The following RABGAP1L variants were observed in gnomAD, a reference collection of about 807,000 sequenced individuals.
The protein encoded by RABGAP1L is rab GTPase-activating protein 1-like.
A neutral mutation model predicts 137.7 loss-of-function variants in RABGAP1L; 63 were observed. The observed-to-expected ratio is 0.46, with a 90% confidence interval of 0.37 to 0.56. RABGAP1L has a LOEUF of 0.56. Ranked by LOEUF, RABGAP1L falls within the 20% of genes least tolerant of loss-of-function variation. The probability of loss-of-function intolerance (pLI) is 0.00; values close to 1 mark genes in which losing one functional copy is unlikely to be tolerated. For synonymous variants in RABGAP1L, 431 were observed against 433.7 expected, an observed-to-expected ratio of 0.99 and a Z score of 0.08; for missense variants, 1,095 against 1,244.0, an observed-to-expected ratio of 0.88 and a Z score of 1.80.
At chr1:174,931,707 G>A (rs906077292) in intron 19 of RABGAP1L, among the ~76,000 whole-genome samples, 7 of 152,010 alleles carry the variant, frequency 4.6e-5, no homozygotes, top group African/African-American at 9.7e-5. Flanking sequence ...ACTTGCCATC[G>A]GTCTTCTGTG....
At chr1:174,425,366 A>G (rs1651831023) in intron 13 of RABGAP1L, among the ~76,000 whole-genome samples, 1 of 151,984 alleles carries the variant, frequency 6.6e-6, no homozygotes, top group Non-Finnish European at 1.5e-5. Flanking sequence ...ATGTCACTTT[A>G]AAAAATAAGA....
chr1:174,953,809 C>T (rs1306586663), intron 19 of RABGAP1L, among the ~76,000 whole-genome samples: 1 of 152,160 alleles, frequency 6.6e-6, no homozygotes, highest in East Asian at 1.9e-4. Context: ...GGACGCAAAC[C>T]TTCTGAAAGG....
At chr1:174,861,353 T>C (rs1344779788) in intron 19 of RABGAP1L, among the ~76,000 whole-genome samples, 2 of 152,178 alleles carry the variant, frequency 1.3e-5, no homozygotes, top group African/African-American at 4.8e-5. Flanking sequence ...TATCCATTCA[T>C]CCATCAACAG....
rs185608305 is a variant in RABGAP1L, at chr1:174,218,493, T to C, written c.-33-632T>C. On this transcript the variant is annotated intron_variant, in intron 1 of 25. Transcript: ENST00000681986. ...ATCCAGAAAACAGAATTACACTGTG[T>C]TTGATTACTGAAACATTATTTGCTA... Among the ~76,000 whole-genome samples, 21 of 152,306 alleles carry C rather than the reference T, an allele frequency of 1.4e-4. No homozygotes were observed. In the East Asian group the frequency reaches 3.9e-3, roughly 28 times the overall value.
intron 14 of RABGAP1L, among the ~76,000 whole-genome samples, chr1:174,679,287 C>T (rs1190996793): frequency 6.6e-6 from 1 of 152,160 alleles, no homozygotes; most frequent in Non-Finnish European, 1.5e-5. Flanking sequence ...CCCAGCTAGG[C>T]TTAGGGATTC....
At chr1:174,725,733 C>T (rs1290938172) in intron 17 of RABGAP1L, among the ~76,000 whole-genome samples, 1 of 152,070 alleles carries the variant, frequency 6.6e-6, no homozygotes, top group Non-Finnish European at 1.5e-5. Context: ...CTCGTTTATA[C>T]TGTAACAGTG....
intron 13 of RABGAP1L, among the ~76,000 whole-genome samples, chr1:174,409,746 T>C (rs1649689703): frequency 6.6e-6 from 1 of 152,132 alleles, no homozygotes; most frequent in Admixed American, 6.5e-5. Context: ...TCTTATGCAG[T>C]TGAGATAAGG....
rs147472669 is a variant in RABGAP1L, at chr1:174,685,993, G to A, written c.1899+2397G>A. ...AGAAATGAAAGCTGAAGTCATGAGA[G>A]TACATCAGATCATCTAGAAGAATGA... On this transcript the variant is annotated intron_variant, in intron 15 of 25. Transcript: ENST00000681986. 2.6e-5 allele frequency among the ~76,000 whole-genome samples: 4 copies of A among 152,312 alleles called. No individual in the cohort carries two copies. The East Asian group carries it at 7.7e-4, about 29-fold the overall frequency.
At chr1:174,940,734 C>T (rs1430624620) in intron 19 of RABGAP1L, among the ~76,000 whole-genome samples, 3 of 152,330 alleles carry the variant, frequency 2.0e-5, no homozygotes, top group South Asian at 2.1e-4. Context: ...ACAGTTCTAA[C>T]GTCAGATATT....
chr1:174,677,303 C>G (rs138100682), intron 14 of RABGAP1L, among the ~76,000 whole-genome samples: 33 of 152,192 alleles, frequency 2.2e-4, no homozygotes, highest in Middle Eastern at 3.4e-3. Flanking sequence ...AACAAACAAA[C>G]AAGAATCAGG....
At chr1:174,274,934 A>T (rs1571876574) in intron 8 of RABGAP1L, among the ~76,000 whole-genome samples, 1 of 152,270 alleles carries the variant, frequency 6.6e-6, no homozygotes, top group East Asian at 1.9e-4. Flanking sequence ...TCTATTCATA[A>T]TGTGAGGAAA....
At chr1:174,258,415 G>C (rs1355555760) in intron 7 of RABGAP1L, among the ~76,000 whole-genome samples, 3 of 152,154 alleles carry the variant, frequency 2.0e-5, no homozygotes, top group Non-Finnish European at 4.4e-5. Flanking sequence ...CTCCTGAGGA[G>C]CTGAGACTAC....
In RABGAP1L at chr1:174,467,615, T is replaced by C. The variant is rs192675291; in HGVS notation, c.1710+73470T>C. The stretch of plus-strand genomic sequence containing the variant: ...CTGTATGACAAGTACTGTAAATATA[T>C]ATTCATGTTATATAATATGTTTAAT... On this transcript the variant is annotated intron_variant, in intron 13 of 25. Transcript: ENST00000681986. Among the ~76,000 whole-genome samples the C allele has an allele frequency of 2.9e-3, 435 of 152,278 alleles. 5 individuals are homozygous for C. Among genetic ancestry groups the C allele is most frequent in the African/African-American group, 0.01 (417 of 41,572 alleles).
chr1:174,590,326 GT>G (rs1367431307), intron 13 of RABGAP1L, among the ~76,000 whole-genome samples: 50 of 129,318 alleles, frequency 3.9e-4, no homozygotes, highest in South Asian at 2.3e-3. Flanking sequence ...ATGCTGTATT[GT>G]TTTTTTTTCT....
At chr1:174,396,930 C>T (rs1647937717) in intron 13 of RABGAP1L, among the ~76,000 whole-genome samples, 2 of 147,688 alleles carry the variant, frequency 1.4e-5, no homozygotes, top group East Asian at 2.0e-4. Context: ...CTTGAGCCCA[C>T]GATTTCAAGA....
At chr1:174,551,637 G>T (rs1374551687) in intron 13 of RABGAP1L, among the ~76,000 whole-genome samples, 1 of 151,474 alleles carries the variant, frequency 6.6e-6, no homozygotes, top group Non-Finnish European at 1.5e-5. Flanking sequence ...ACTAGAAAAA[G>T]AAGAGAAAAT....
intron 1 of RABGAP1L, among the ~76,000 whole-genome samples, chr1:174,204,783 G>C (rs1558030383): frequency 6.6e-6 from 1 of 152,152 alleles, no homozygotes; most frequent in Admixed American, 6.5e-5. Flanking sequence ...GTTCTCACAA[G>C]ATCTGGTTGT....
chr1:174,458,313 T>A (rs966374040), intron 13 of RABGAP1L, among the ~76,000 whole-genome samples: 4 of 151,370 alleles, frequency 2.6e-5, no homozygotes, highest in African/African-American at 2.4e-5. Context: ...CAGAAAAAAA[T>A]TTTTCAGAAA....
intron 19 of RABGAP1L, among the ~76,000 whole-genome samples, chr1:174,930,146 G>A (rs1663545179): frequency 6.6e-6 from 1 of 151,778 alleles, no homozygotes; most frequent in South Asian, 2.1e-4. Context: ...ACCATGGCTG[G>A]CTGCTAAAAG....
Sources: gnomAD v4.1 joint callset for allele counts (sites outside exome capture counted in the v4.1 genomes callset) on GRCh38, gnomAD v4.1.1 for gene constraint, MANE v1.5 for transcripts, NCBI Gene and HGNC (gene_info 2026-07-23, HGNC 2026-07-21) for gene names.